The following PAK3 variants were observed in gnomAD, a reference collection of about 807,000 sequenced individuals.
PAK3 encodes the protein p21 (RAC1) activated kinase 3.
A neutral mutation model predicts 41.0 loss-of-function variants in PAK3; 4 were observed. The observed-to-expected ratio is 0.10, with a 90% CI of 0.05 to 0.22. The LOEUF is 0.22. Ranked by LOEUF, PAK3 falls within the 10% of genes least tolerant of loss-of-function variation. The probability of loss-of-function intolerance (pLI) is 1.00; values close to 1 mark genes in which losing one functional copy is unlikely to be tolerated. For missense variants in PAK3, 205 were observed against 409.9 expected (o/e 0.50, Z 4.32); for synonymous variants, 146 against 139.6 (o/e 1.05, Z -0.32).
intron 16 of PAK3, among the ~76,000 whole-genome samples, chrX:111,199,062 C>A (rs1209393038): frequency 9.0e-6 from 1 of 111,126 alleles, no homozygotes; most frequent in Non-Finnish European, 1.9e-5. Context: ...TAGCTGTATT[C>A]CTAGGTATTT....
rs1164826890 is a variant in PAK3 at position 111,172,618 on chromosome X, C to T, written c.767-400C>T. ...TGCAGTATTTGGTTTTCTTTTCTTG[C>T]ATTTGTTTGCTTAGGTTCATGACCT... On this transcript the variant is annotated intron_variant, in intron 10 of 17. Coordinates refer to ENST00000372007, the MANE Select transcript of PAK3 (RefSeq NM_002578.5). Among the ~76,000 whole-genome samples the T allele has an allele frequency of 5.5e-4, 61 of 111,287 alleles. 1 individual carries two copies. In the Admixed American group the frequency reaches 5.9e-3, roughly 11 times the overall value.
At chrX:111,179,445 A>C (rs979595867) in intron 11 of PAK3, among the ~76,000 whole-genome samples, 6 of 111,452 alleles carry the variant, frequency 5.4e-5, no homozygotes, top group Non-Finnish European at 1.9e-5. Context: ...ACAAATTGTC[A>C]TACTTACACA....
chrX:111,011,745 CAACCTTCTTTG>C (rs1268437278), intron 1 of PAK3, among the ~76,000 whole-genome samples: 2 of 112,189 alleles, frequency 1.8e-5, no homozygotes, highest in African/African-American at 6.5e-5. Flanking sequence ...TGTGCACATG[CAACCTTCTTTG>C]TATTCAGGCA....
chrX:111,031,268 A>T (rs938210247), intron 1 of PAK3, among the ~76,000 whole-genome samples: 1 of 111,612 alleles, frequency 9.0e-6, no homozygotes, highest in Admixed American at 9.5e-5. Flanking sequence ...AGTCTAGAGC[A>T]AGGGGTGATG....
At chrX:110,969,450 A>ATTTTTTTTT (rs35064494) in intron 1 of PAK3, among the ~76,000 whole-genome samples, 1 of 47,360 alleles carries the variant, frequency 2.1e-5, no homozygotes, top group Non-Finnish European at 3.8e-5. Context: ...GACGTGGCTA[A>ATTTTTTTTT]TTTTTTTTTT....
intron 4 of PAK3, among the ~76,000 whole-genome samples, chrX:111,104,226 C>G (rs1430192857): frequency 9.0e-6 from 1 of 111,431 alleles, no homozygotes; most frequent in Non-Finnish European, 1.9e-5. Context: ...GTCCAGCTAC[C>G]TGCTTGTAGC....
intron 16 of PAK3, among the ~76,000 whole-genome samples, chrX:111,212,395 C>T (rs1192386767): frequency 9.0e-6 from 1 of 110,889 alleles, no homozygotes; most frequent in Non-Finnish European, 1.9e-5. Flanking sequence ...TAGCAATTTT[C>T]TTTTTTTTAC....
intron 1 of PAK3, among the ~76,000 whole-genome samples, chrX:111,028,945 A>G (rs1052317679): frequency 1.5e-4 from 17 of 110,560 alleles, no homozygotes; most frequent in Non-Finnish European, 7.6e-5. Flanking sequence ...CCAGCCTGGA[A>G]AAAATAGGGA....
At chrX:111,072,840 A>G (rs957359661) in intron 1 of PAK3, among the ~76,000 whole-genome samples, 1 of 112,021 alleles carries the variant, frequency 8.9e-6, no homozygotes, top group Non-Finnish European at 1.9e-5. Context: ...TGCAGTAAGA[A>G]GCTGAAGATG....
chrX:111,111,512 G>C (rs1312344845), intron 4 of PAK3, among the ~76,000 whole-genome samples: 1 of 111,720 alleles, frequency 9.0e-6, no homozygotes, highest in Non-Finnish European at 1.9e-5. Flanking sequence ...CTTATTATAA[G>C]TGCCGTTCTA....
intron 4 of PAK3, among the ~76,000 whole-genome samples, chrX:111,105,341 T>G (rs918400381): frequency 9.0e-6 from 1 of 111,516 alleles, no homozygotes; most frequent in Non-Finnish European, 1.9e-5. Flanking sequence ...CACCTTTGCC[T>G]GCCCAAATTC....
intron 1 of PAK3, among the ~76,000 whole-genome samples, chrX:110,993,354 A>G (rs1451317751): frequency 9.0e-6 from 1 of 110,639 alleles, no homozygotes; most frequent in Non-Finnish European, 1.9e-5. Flanking sequence ...TTTTTTCTTT[A>G]TCTCATTTAT....
At chrX:111,052,709 T>C (rs985012254) in intron 1 of PAK3, among the ~76,000 whole-genome samples, 1 of 112,453 alleles carries the variant, frequency 8.9e-6, no homozygotes, top group Non-Finnish European at 1.9e-5. Context: ...TGTTAACCAA[T>C]ACACTGTAAT....
At chrX:111,084,269 G>A in intron 1 of PAK3, among the ~76,000 whole-genome samples, 1 of 112,257 alleles carries the variant, frequency 8.9e-6, no homozygotes, top group Non-Finnish European at 1.9e-5. Context: ...GGCATCTGGA[G>A]GGCAAGGGCC....
rs1387968400 is a variant in PAK3 at position 111,131,861 on chromosome X, A to C, written c.175+8583A>C. Among the ~76,000 whole-genome samples, 4 of 112,180 alleles carry C rather than the reference A, an allele frequency of 3.6e-5. No homozygotes were observed. In the East Asian group the frequency reaches 1.1e-3, roughly 32 times the overall value. ...CAGGGCTGCTGTTGTCATAGGAAGAACTATTCTGAGACACTTACTGTTACC... is the reference window on the plus strand; with the variant it reads ...CAGGGCTGCTGTTGTCATAGGAAGACCTATTCTGAGACACTTACTGTTACC... On this transcript the variant is annotated intron_variant, in intron 5 of 17. Transcript: ENST00000372007.
intron 16 of PAK3, among the ~76,000 whole-genome samples, chrX:111,210,639 A>C (rs1254915010): frequency 8.9e-6 from 1 of 112,292 alleles, no homozygotes; most frequent in Non-Finnish European, 1.9e-5. Context: ...TATTTTGTCC[A>C]GCAACAAAAA....
intron 1 of PAK3, among the ~76,000 whole-genome samples, chrX:111,006,849 C>CTTTCTTTGTTTCT (rs1556434441): frequency 2.3e-5 from 1 of 42,726 alleles, no homozygotes; most frequent in East Asian, 9.2e-4. Flanking sequence ...TTCTTTCTTT[C>CTTTCTTTGTTTCT]TTTTTTTTTT....
intron 16 of PAK3, 94 bp downstream of exon 16, chrX:111,196,734 T>A (rs1325092412): frequency 1.2e-5 from 7 of 602,807 alleles, no homozygotes; most frequent in Non-Finnish European, 1.9e-5. Context: ...CAGAATGGGC[T>A]CTTTTCTGAG....
At chrX:111,018,293 T>A (rs983784647) in intron 1 of PAK3, among the ~76,000 whole-genome samples, 5 of 111,490 alleles carry the variant, frequency 4.5e-5, no homozygotes, top group Non-Finnish European at 9.4e-5. Flanking sequence ...AAAGAAAAAG[T>A]AACATTATCT....
Sources: allele counts gnomAD v4.1 joint callset (sites outside exome capture counted in the v4.1 genomes callset), GRCh38; gene constraint gnomAD v4.1.1; transcripts MANE v1.5; gene names NCBI Gene and HGNC (gene_info 2026-07-23, HGNC 2026-07-21).